IPO8: variants seen among roughly 807,000 people sequenced by gnomAD.
IPO8 encodes the protein importin-8.
IPO8 carries 65 observed loss-of-function variants against 141.2 expected under a neutral mutation model. The ratio of observed to expected loss-of-function variants is 0.46; its 90% CI spans 0.38 to 0.57. The LOEUF is 0.57. Among genes scored for constraint, IPO8 ranks in the 20% least tolerant of loss-of-function variants. The pLI, the probability that IPO8 is intolerant of heterozygous loss-of-function variation, is 0.00. For missense variants in IPO8, 980 were observed against 1,246.8 expected, an observed-to-expected ratio of 0.79 and a Z score of 3.22; for synonymous variants, 411 against 420.3, an observed-to-expected ratio of 0.98 and a Z score of 0.27.
chr12:30,675,117 T>A lies in IPO8; in HGVS notation c.730-364A>T, dbSNP rs76032836. Among the ~76,000 whole-genome samples the A allele has an allele frequency of 6.5e-3, 995 of 152,352 alleles. 12 individuals are homozygous for A. The highest frequency in any genetic ancestry group is 0.023 in the African/African-American group (959 of 41,580). ...TCACTGAACTAGTCATTAAGTTCTG[T>A]GCATTTATGTATGTAAGCTAAATGT... On this transcript the variant is annotated intron_variant, in intron 6 of 24. Coordinates refer to ENST00000256079, the MANE Select transcript of IPO8 (RefSeq NM_006390.4).
intron 21 of IPO8, among the ~76,000 whole-genome samples, chr12:30,638,387 G>C (rs930476743): frequency 6.6e-6 from 1 of 152,176 alleles, no homozygotes; most frequent in African/African-American, 2.4e-5. Context: ...ATAGCAGCTT[G>C]TAAATATGTT....
chr12:30,683,517 T>C (rs1591844562), intron 3 of IPO8, among the ~76,000 whole-genome samples: 1 of 152,238 alleles, frequency 6.6e-6, no homozygotes, highest in African/African-American at 2.4e-5. Context: ...CTATCTTGTA[T>C]GTTGAAAAGA....
At chr12:30,651,571 G>A (rs943880936) in intron 19 of IPO8, among the ~76,000 whole-genome samples, 2 of 152,084 alleles carry the variant, frequency 1.3e-5, no homozygotes, top group South Asian at 4.1e-4. Flanking sequence ...TTATGTGTGT[G>A]TGTGTGTGTA....
intron 20 of IPO8, among the ~76,000 whole-genome samples, chr12:30,648,349 T>G (rs962409034): frequency 7.9e-5 from 12 of 152,196 alleles, no homozygotes; most frequent in Non-Finnish European, 1.6e-4. Flanking sequence ...TGATTACATT[T>G]ACATCAAATG....
At chr12:30,666,389 TA>T in intron 10 of IPO8, 138 bp from the exon 11 acceptor site, 1 of 514,202 alleles carries the variant, frequency 1.9e-6, no homozygotes. Flanking sequence ...ACTAAAAAGG[TA>T]AGGATATACA....
intron 3 of IPO8, 87 bp downstream of exon 3, chr12:30,684,214 A>G (rs1444387562): frequency 1.7e-6 from 2 of 1,150,254 alleles, no homozygotes; most frequent in Non-Finnish European, 2.5e-6. Context: ...ATGAAACATG[A>G]GGCCAAGGAT....
chr12:30,674,584 C>T, intron 7 of IPO8, 75 bp downstream of exon 7: 1 of 1,085,788 alleles, frequency 9.2e-7, no homozygotes, highest in Non-Finnish European at 1.4e-6. Context: ...CTCTCGGTGG[C>T]TCTAAAGACA....
In IPO8 at chr12:30,645,356, C is replaced by G. The variant is rs538291735; in HGVS notation, c.2268+3781G>C. On this transcript the variant is annotated intron_variant, in intron 20 of 24. Transcript: ENST00000256079. The stretch of plus-strand genomic sequence containing the variant: ...CCACTGCACTCCAGCCTGGGTAACA[C>G]AGCAAGACTTCATCTCAAAAAAAAA... Among the ~76,000 whole-genome samples the G allele has an allele frequency of 2.1e-5, 3 of 144,906 alleles. 1 individual carries two copies. The Admixed American group carries it at 2.1e-4, about 10-fold the overall frequency.
intron 17 of IPO8, among the ~76,000 whole-genome samples, chr12:30,655,869 A>C (rs189314353): frequency 4.0e-4 from 61 of 152,302 alleles, no homozygotes; most frequent in Non-Finnish European, 7.5e-4. Context: ...CTATCTGAGT[A>C]CTACACAGCT....
chr12:30,695,785 C>A lies in IPO8; in HGVS notation c.-138G>T, dbSNP rs2053334545. 1.2e-5 allele frequency: 8 copies of A among 694,600 alleles called. No homozygotes were observed. Among genetic ancestry groups the A allele is most frequent in the South Asian group, 9.6e-5 (5 of 52,154 alleles). 43.0% of individuals were successfully genotyped at this position (694,600 alleles called of 1,614,324 possible). ...CACCCCCCGCCACCGTCGCCACCTG[C>A]GGCCACTTGCTGCGCCACTCTGACT... On this transcript the variant is annotated 5_prime_UTR_variant, in exon 1 of 25. Coordinates refer to ENST00000256079, the MANE Select transcript of IPO8 (RefSeq NM_006390.4). This position sits in a 1 kb window ranked among gnomAD's most constrained non-coding sequence, Gnocchi z 4.2.
intron 2 of IPO8, chr12:30,688,389 A>G (rs1320807672): frequency 1.1e-5 from 5 of 435,102 alleles, no homozygotes; most frequent in Non-Finnish European, 2.3e-5. Flanking sequence ...TAGCAAGAAC[A>G]CTTTAGATTG....
chr12:30,632,271 T>C (rs1425514907), intron 23 of IPO8, among the ~76,000 whole-genome samples: 1 of 152,172 alleles, frequency 6.6e-6, no homozygotes, highest in East Asian at 1.9e-4. Flanking sequence ...TCTGTCTCCT[T>C]TGCTGTCTTC....
intron 20 of IPO8, among the ~76,000 whole-genome samples, chr12:30,647,201 G>A (rs994502590): frequency 2.0e-5 from 3 of 151,846 alleles, no homozygotes. Context: ...CAATTCAATG[G>A]GGAAAAAATA....
At chr12:30,657,432 T>C (rs1321953543) in intron 16 of IPO8, among the ~76,000 whole-genome samples, 2 of 152,172 alleles carry the variant, frequency 1.3e-5, no homozygotes, top group Non-Finnish European at 2.9e-5. Context: ...CCCTGTTGTA[T>C]ATTGATTTCT....
chr12:30,640,683 C>T (rs1486479078), intron 20 of IPO8, among the ~76,000 whole-genome samples: 2 of 152,050 alleles, frequency 1.3e-5, no homozygotes, highest in Admixed American at 6.6e-5. Context: ...TGTGGATAAA[C>T]GCAGCCACAA....
intron 2 of IPO8, among the ~76,000 whole-genome samples, chr12:30,685,616 C>G (rs904339772): frequency 4.0e-5 from 6 of 151,406 alleles, no homozygotes; most frequent in Non-Finnish European, 7.4e-5. Flanking sequence ...TTTCTTCACC[C>G]AACTTTTAAC....
intron 2 of IPO8, among the ~76,000 whole-genome samples, chr12:30,685,500 T>TTGTGTGTGTGTG (rs112645384): frequency 6.7e-6 from 1 of 148,556 alleles, no homozygotes; most frequent in African/African-American, 2.5e-5. Context: ...ACTTATAATG[T>TTGTGTGTGTGTG]TGTGTGTGTG....
At position 30,637,156 on chromosome 12, in the gene IPO8, G is replaced by A; in HGVS notation, c.2521C>T (p.Leu841=). Residue 841 remains leucine, a synonymous_variant, in exon 22 of 25, where the codon CTG becomes TTG. Transcript: ENST00000256079. ...TTTTGCAATTCCAAAAGGATACTCAGTCCTATTATACACATCTTCCGGTCA... is the reference window on the plus strand; with the variant it reads ...TTTTGCAATTCCAAAAGGATACTCAATCCTATTATACACATCTTCCGGTCA... ...HHDRKMCIIG[L]SILLELQNRP... is the part of the protein sequence containing the mutation. 1 of 1,613,460 alleles carries A rather than the reference G, an allele frequency of 6.2e-7. No individual in the cohort carries two copies. The highest frequency in any genetic ancestry group is 8.5e-7 in the Non-Finnish European group (1 of 1,179,816).
intron 6 of IPO8, among the ~76,000 whole-genome samples, chr12:30,675,749 C>A (rs2053111850): frequency 6.7e-6 from 1 of 149,502 alleles, no homozygotes; most frequent in Non-Finnish European, 1.5e-5. Context: ...GAGGCTGAGG[C>A]AGGAGGATGG....
Sources: allele counts gnomAD v4.1 joint callset (sites outside exome capture counted in the v4.1 genomes callset), GRCh38; gene constraint gnomAD v4.1.1; non-coding constraint Gnocchi (gnomAD v3.1); transcripts MANE v1.5; gene names NCBI Gene and HGNC (gene_info 2026-07-23, HGNC 2026-07-21).